The following USP42 variants were observed in gnomAD, a reference collection of about 807,000 sequenced individuals.
The protein encoded by USP42 is ubiquitin carboxyl-terminal hydrolase 42.
In USP42, 23 loss-of-function variants were observed where a neutral mutation model predicts 113.0. That is an observed-to-expected ratio of 0.20 (90% CI 0.15 to 0.29). The LOEUF is 0.29. Among genes scored for constraint, USP42 ranks in the 10% least tolerant of loss-of-function variants. USP42 has a pLI of 1.00. For missense variants in USP42, 2,174 were observed against 1,779.8 expected (o/e 1.22, Z -3.99); for synonymous variants, 933 against 699.0 (o/e 1.33, Z -5.28).
Position 6,135,850 on chromosome 7 carries a change from A to G in USP42, c.452A>G (p.Glu151Gly), listed in dbSNP as rs778567698. 2 of 1,597,598 alleles carry G rather than the reference A, an allele frequency of 1.3e-6. No individual in the cohort carries two copies. The highest frequency in any genetic ancestry group is 8.5e-7 in the Non-Finnish European group (1 of 1,173,662). ...SHEHSKTCHA[E>G]GFCMMCTMQA... ...ATCATCTATCTTTCAGGTCATGCAG[A>G]AGGCTTTTGTATGATGTGTACAATG... Residue 151 changes from glutamate to glycine, a missense_variant, in exon 4 of 18, where the codon GAA (glutamate) becomes GGA (glycine). By Grantham distance (98) the Glu-to-Gly change is moderately conservative. Transcript: ENST00000306177.
chr7:6,089,132 C>T, the USP42 span, among the ~76,000 whole-genome samples: 1 of 150,754 alleles, frequency 6.6e-6, no homozygotes, highest in East Asian at 1.9e-4. Context: ...GCAACCGCCA[C>T]CTCCCAGGTT....
intron 12 of USP42, among the ~76,000 whole-genome samples, chr7:6,149,366 C>T (rs1781903895): frequency 6.6e-6 from 1 of 151,902 alleles, no homozygotes; most frequent in Admixed American, 6.6e-5. Context: ...ACATGTATGT[C>T]CTGTTTGTTG....
At chr7:6,088,147 A>G in the USP42 span, among the ~76,000 whole-genome samples, 1 of 151,194 alleles carries the variant, frequency 6.6e-6, no homozygotes, top group African/African-American at 2.5e-5. Context: ...GAAGTATTTA[A>G]AAACTAGCCG....
chr7:6,138,263 A>T (rs1048913716), intron 4 of USP42, among the ~76,000 whole-genome samples: 1 of 152,216 alleles, frequency 6.6e-6, no homozygotes, highest in Non-Finnish European at 1.5e-5. Flanking sequence ...ATTGTAATTT[A>T]AAAAATAATT....
At chr7:6,100,047 C>CCCAG (rs1790072913), upstream of USP42, among the ~76,000 whole-genome samples, 1 of 132,690 alleles carries the variant, frequency 7.5e-6, no homozygotes, top group Non-Finnish European at 1.6e-5. Context: ...GAGACTGGGG[C>CCCAG]TCACTATGTT....
rs1782578748 is a variant in USP42, at chr7:6,158,333, C to T, written c.3944-1117C>T. Among the ~76,000 whole-genome samples, 1 of 152,222 alleles carries T rather than the reference C, an allele frequency of 6.6e-6. No homozygotes were observed. The highest frequency in any genetic ancestry group is 1.5e-5 in the Non-Finnish European group (1 of 68,048). On this transcript the variant is annotated intron_variant, in intron 16 of 17. Coordinates refer to ENST00000306177, the MANE Select transcript of USP42 (RefSeq NM_032172.3). The surrounding 1 kb of genome is among the most constrained non-coding windows in gnomAD (Gnocchi z 4.2). ...GCCCCTTGACAGAAAGGGTTTGTCA[C>T]CCCTGCCTGGACGCCCATTGTTTGT...
rs1782724199 is a variant in USP42 at position 6,160,656 on chromosome 7, T to C, written c.*138T>C. ...CGTGGTGCTTCTTTAGTAAATACTG[T>C]ACAGATTTTACCATGGAGAACTTTT... is the stretch of plus-strand genomic sequence containing the variant. On this transcript the variant is annotated 3_prime_UTR_variant, in exon 18 of 18. Coordinates refer to ENST00000306177, the MANE Select transcript of USP42 (RefSeq NM_032172.3). 6.6e-6 allele frequency: 1 copy of C among 152,666 alleles called. No individual in the cohort carries two copies. Among genetic ancestry groups the C allele is most frequent in the African/African-American group, 2.4e-5 (1 of 41,458 alleles). 9.5% of individuals were successfully genotyped at this position (152,666 alleles called of 1,614,324 possible). A position where few individuals can be genotyped will look rare whatever the true frequency, so the allele number is the denominator to read the frequency against.
chr7:6,130,197 C>G (rs376639934), intron 3 of USP42, among the ~76,000 whole-genome samples: 1 of 152,152 alleles, frequency 6.6e-6, no homozygotes. Context: ...CTTATCTAAC[C>G]TTTGTTTTAG....
At position 6,139,592 on chromosome 7, in the gene USP42, C is replaced by A; in HGVS notation, c.656+398C>A. The A allele has an allele frequency of 4.9e-6, 1 of 202,692 alleles. No individual in the cohort carries two copies. Among genetic ancestry groups the A allele is most frequent in the Non-Finnish European group, 1.0e-5 (1 of 100,230 alleles). 12.6% of individuals were successfully genotyped at this position (202,692 alleles called of 1,614,324 possible). A position where few individuals can be genotyped will look rare whatever the true frequency, so the allele number is the denominator to read the frequency against. The stretch of plus-strand genomic sequence containing the variant: ...CCCCCACCCCAATCAGTTACTGATT[C>A]TTGTAGCTAGTTCCTTAAAATCTAA... On this transcript the variant is annotated intron_variant, in intron 5 of 17. Coordinates refer to ENST00000306177, the MANE Select transcript of USP42 (RefSeq NM_032172.3). This position sits in a 1 kb window ranked among gnomAD's most constrained non-coding sequence, Gnocchi z 4.5.
Position 6,139,289 on chromosome 7 carries a change from C to A in USP42, c.656+95C>A. 1 of 985,342 alleles carries A rather than the reference C, an allele frequency of 1.0e-6. No individual in the cohort carries two copies. Among genetic ancestry groups the A allele is most frequent in the Non-Finnish European group, 1.5e-6 (1 of 679,074 alleles). 61.0% of individuals were successfully genotyped at this position (985,342 alleles called of 1,614,324 possible). ...TCATTTTCACCTTTTTTGTTGGAAG[C>A]ACACAGAACAGTGTTCACTTTACCT... is the stretch of plus-strand genomic sequence containing the variant. On this transcript the variant is annotated intron_variant, in intron 5 of 17. Transcript: ENST00000306177. This position sits in a 1 kb window ranked among gnomAD's most constrained non-coding sequence, Gnocchi z 4.5.
chr7:6,110,643 C>T (rs1779551054), intron 1 of USP42, among the ~76,000 whole-genome samples: 1 of 152,132 alleles, frequency 6.6e-6, no homozygotes, highest in Non-Finnish European at 1.5e-5. Context: ...GCCATTTGCA[C>T]TTTAAGCACA....
chr7:6,107,720 T>C (rs1327911144), intron 1 of USP42, among the ~76,000 whole-genome samples: 1 of 152,260 alleles, frequency 6.6e-6, no homozygotes, highest in East Asian at 1.9e-4. Context: ...CTTCTTTCTT[T>C]TTTTCCTGCA....
intron 3 of USP42, among the ~76,000 whole-genome samples, chr7:6,125,310 G>A (rs917483291): frequency 5.3e-5 from 8 of 151,784 alleles, no homozygotes; most frequent in African/African-American, 1.9e-4. Context: ...TCAATATGGT[G>A]AAACTTTGTC....
At chr7:6,091,554 G>A in the USP42 span, among the ~76,000 whole-genome samples, 7 of 150,450 alleles carry the variant, frequency 4.7e-5, no homozygotes, top group Non-Finnish European at 7.4e-5. Context: ...GTCAGCTACC[G>A]TATTATACTA....
In USP42 at chr7:6,157,868, C is replaced by T. The variant is rs1481846220; in HGVS notation, c.3943+813C>T. On this transcript the variant is annotated intron_variant, in intron 16 of 17. Coordinates refer to ENST00000306177, the MANE Select transcript of USP42 (RefSeq NM_032172.3). The surrounding 1 kb of genome is among the most constrained non-coding windows in gnomAD (Gnocchi z 4.1). ...CTTCTGCCCTGTGGGGCTGTGTCTC[C>T]GTCCTGTGGCCACACGCTGTGCTCT... is the stretch of plus-strand genomic sequence containing the variant. 1.3e-5 allele frequency among the ~76,000 whole-genome samples: 2 copies of T among 152,278 alleles called. No individual in the cohort carries two copies. Among genetic ancestry groups the T allele is most frequent in the East Asian group, 1.9e-4 (1 of 5,164 alleles).
intron 1 of USP42, among the ~76,000 whole-genome samples, chr7:6,105,499 C>G (rs1268913843): frequency 6.7e-6 from 1 of 148,988 alleles, no homozygotes; most frequent in Non-Finnish European, 1.5e-5. Flanking sequence ...TGCCACCTCC[C>G]GCCCCGGAGC....
chr7:6,114,050 CTTAGTTA>C (rs1159467173), intron 2 of USP42, among the ~76,000 whole-genome samples: 1 of 152,142 alleles, frequency 6.6e-6, no homozygotes, highest in Non-Finnish European at 1.5e-5. Context: ...CATTATCATA[CTTAGTTA>C]TTAGTAATCT....
intron 2 of USP42, 23 bp downstream of exon 2, chr7:6,111,397 A>T (rs775948613): frequency 6.2e-7 from 1 of 1,603,800 alleles, no homozygotes; most frequent in African/African-American, 1.3e-5. Context: ...AAAAGAGAGA[A>T]TTACCGCCAG....
chr7:6,122,460 GT>G (rs1011666276), intron 3 of USP42, among the ~76,000 whole-genome samples: 25 of 151,248 alleles, frequency 1.7e-4, no homozygotes, highest in Non-Finnish European at 2.1e-4. Flanking sequence ...GTTTTGTTTT[GT>G]TTTTTTGTTT....
Sources: allele counts gnomAD v4.1 joint callset (sites outside exome capture counted in the v4.1 genomes callset), GRCh38; gene constraint gnomAD v4.1.1; non-coding constraint Gnocchi (gnomAD v3.1); transcripts MANE v1.5; gene names NCBI Gene and HGNC (gene_info 2026-07-23, HGNC 2026-07-21).